FRS2: variants seen among roughly 807,000 people sequenced by gnomAD.
The protein encoded by FRS2 is FGFR signalling adaptor.
Under a neutral mutation model 43.9 loss-of-function variants are expected in FRS2, and 8 were observed. That is an observed-to-expected ratio of 0.18 (90% CI 0.11 to 0.33). The LOEUF (loss-of-function observed/expected upper bound fraction) is 0.33. FRS2 is among the 10% of genes least tolerant of loss of function. The probability of loss-of-function intolerance (pLI) is 1.00; values close to 1 mark genes in which losing one functional copy is unlikely to be tolerated. For missense variants in FRS2, 534 were observed against 627.6 expected (o/e 0.85, Z 1.59); for synonymous variants, 219 against 220.3 (o/e 0.99, Z 0.05).
chr12:69,520,466 G>A (rs1016196898), intron 1 of FRS2, among the ~76,000 whole-genome samples: 1 of 149,046 alleles, frequency 6.7e-6, no homozygotes, highest in African/African-American at 2.5e-5. Context: ...ATTGCTTTTG[G>A]CATCTTCGTC....
In FRS2 at chr12:69,578,117, A is replaced by T. The variant is rs572633302; in HGVS notation, c.*3162A>T. The T allele has an allele frequency of 6.5e-6, 1 of 152,736 alleles. No homozygotes were observed. The highest frequency in any genetic ancestry group is 6.5e-5 in the Admixed American group (1 of 15,302). 9.5% of individuals were successfully genotyped at this position (152,736 alleles called of 1,614,324 possible). On this transcript the variant is annotated 3_prime_UTR_variant, in exon 9 of 9. Transcript: ENST00000549921. ...CCGCCATATTTTTGCCTCAAGGTAAAGGTTTTAACAGATGAAAAAGTACTT... is the reference window on the plus strand; with the variant it reads ...CCGCCATATTTTTGCCTCAAGGTAATGGTTTTAACAGATGAAAAAGTACTT...
At chr12:69,559,331 A>T (rs1453396539) in intron 3 of FRS2, among the ~76,000 whole-genome samples, 4 of 152,224 alleles carry the variant, frequency 2.6e-5, no homozygotes, top group African/African-American at 7.2e-5. Context: ...ATTGCCAGAA[A>T]TTAAGGTACC....
At chr12:69,562,095 T>G (rs1211160577) in intron 3 of FRS2, 85 bp from the exon 4 acceptor site, 1 of 394,384 alleles carries the variant, frequency 2.5e-6, no homozygotes, top group Non-Finnish European at 4.5e-6. Flanking sequence ...ATAGATTAAC[T>G]GAACTAACTG....
intron 4 of FRS2, among the ~76,000 whole-genome samples, chr12:69,562,668 A>G (rs1483778307): frequency 6.6e-6 from 1 of 152,042 alleles, no homozygotes. Context: ...TTTTATTTGT[A>G]TTTTTAATTT....
At chr12:69,503,477 G>A (rs1873647212) in intron 1 of FRS2, among the ~76,000 whole-genome samples, 1 of 152,146 alleles carries the variant, frequency 6.6e-6, no homozygotes, top group African/African-American at 2.4e-5. Flanking sequence ...CAGGGATTTT[G>A]GATCTTAGAA....
chr12:69,493,594 G>A lies in FRS2; in HGVS notation c.-261+23064G>A, dbSNP rs140068672. Among the ~76,000 whole-genome samples, 1,317 of 152,314 alleles carry A rather than the reference G, an allele frequency of 8.6e-3. 19 individuals carry two copies. Among genetic ancestry groups the A allele is most frequent in the African/African-American group, 0.03 (1,237 of 41,568 alleles). ...AAATTAGCTGGGCATGGTGGCGCAT[G>A]CCTGTAATCCCAGTTACTTGGGTGG... On this transcript the variant is annotated intron_variant, in intron 1 of 8. Transcript: ENST00000549921.
chr12:69,510,289 C>T (rs571620499), intron 1 of FRS2, among the ~76,000 whole-genome samples: 3 of 152,184 alleles, frequency 2.0e-5, no homozygotes, highest in Admixed American at 2.0e-4. Context: ...CTCTGAGTGC[C>T]CTCGGTAGAG....
At chr12:69,500,660 A>C (rs1873357224) in intron 1 of FRS2, among the ~76,000 whole-genome samples, 1 of 152,204 alleles carries the variant, frequency 6.6e-6, no homozygotes, top group East Asian at 1.9e-4. Context: ...ATACAGGCTT[A>C]AACGTGAATT....
At chr12:69,535,735 T>G (rs938441633) in intron 3 of FRS2, among the ~76,000 whole-genome samples, 7 of 152,166 alleles carry the variant, frequency 4.6e-5, no homozygotes, top group African/African-American at 1.7e-4. Flanking sequence ...TGGTTTTGTT[T>G]TGGATTCGGG....
rs554006953 is a variant in FRS2, at chr12:69,547,467, GA to G, written c.-121-14706del. On this transcript the variant is annotated intron_variant, in intron 3 of 8. Coordinates refer to ENST00000549921, the MANE Select transcript of FRS2 (RefSeq NM_001278356.2). ...ACAGAGTGAGACCCTGTCTCAAAAA[GA>G]AAAAAAGAATTACGAGATGGATGAT... 2.3e-3 allele frequency among the ~76,000 whole-genome samples: 347 copies of G among 151,834 alleles called. 2 individuals are homozygous for G. The highest frequency in any genetic ancestry group is 6.8e-3 in the Middle Eastern group (2 of 294).
intron 1 of FRS2, among the ~76,000 whole-genome samples, chr12:69,494,922 C>T (rs1447689699): frequency 2.6e-5 from 4 of 152,166 alleles, no homozygotes; most frequent in African/African-American, 4.8e-5. Flanking sequence ...TATAGACGCC[C>T]ACCATCACGC....
intron 3 of FRS2, among the ~76,000 whole-genome samples, chr12:69,540,115 T>C (rs1392862081): frequency 7.0e-6 from 1 of 143,260 alleles, no homozygotes; most frequent in Admixed American, 7.0e-5. Context: ...TAGCTGGGTG[T>C]GGTGGTGCGC....
chr12:69,519,144 C>T (rs1875366641), intron 1 of FRS2, among the ~76,000 whole-genome samples: 1 of 152,038 alleles, frequency 6.6e-6, no homozygotes, highest in Admixed American at 6.6e-5. Flanking sequence ...GGGTGACAGT[C>T]TCTGGGACAC....
At chr12:69,537,488 A>G (rs914311937) in intron 3 of FRS2, among the ~76,000 whole-genome samples, 4 of 152,036 alleles carry the variant, frequency 2.6e-5, no homozygotes, top group African/African-American at 9.7e-5. Flanking sequence ...CTGTTTTCTC[A>G]TGATATTGAA....
At chr12:69,523,952 C>T (rs1406347979) in intron 1 of FRS2, among the ~76,000 whole-genome samples, 1 of 152,222 alleles carries the variant, frequency 6.6e-6, no homozygotes, top group African/African-American at 2.4e-5. Flanking sequence ...TCCTTGTACT[C>T]GTTTGCACGT....
intron 1 of FRS2, among the ~76,000 whole-genome samples, chr12:69,511,359 TAGTAATAAA>T (rs1231147127): frequency 6.6e-6 from 1 of 152,112 alleles, no homozygotes; most frequent in Non-Finnish European, 1.5e-5. Flanking sequence ...ATCATTTCAG[TAGTAATAAA>T]ATCAAATGTT....
At chr12:69,549,433 A>G (rs866405083) in intron 3 of FRS2, among the ~76,000 whole-genome samples, 19 of 92,466 alleles carry the variant, frequency 2.1e-4, no homozygotes, top group Admixed American at 1.1e-3. Flanking sequence ...ATTTATTTCA[A>G]TTGAAAAAAA....
chr12:69,536,419 G>A (rs751949467), intron 3 of FRS2, among the ~76,000 whole-genome samples: 2 of 151,470 alleles, frequency 1.3e-5, no homozygotes, highest in Admixed American at 6.6e-5. Flanking sequence ...CCCCGCACCC[G>A]GCCAGTATTT....
chr12:69,571,428 C>G lies in FRS2; in HGVS notation c.406C>G (p.Pro136Ala). The change falls in exon 7 of 9, where the codon CCT becomes GCT. Residue 136 changes from proline to alanine, a missense_variant. Physicochemically the swap from Pro to Ala is conservative, Grantham distance 27. Transcript: ENST00000549921. ...ELEVPRTPRT[P>A]TTPGFAAQNL... Reference sequence around the variant, plus strand: ...GGAAGTCCCTAGAACACCTCGAACACCTACAAGTAAGTACCCCTTTTCCCT... The same window carrying G: ...GGAAGTCCCTAGAACACCTCGAACAGCTACAAGTAAGTACCCCTTTTCCCT... The G allele has an allele frequency of 1.9e-6, 3 of 1,610,950 alleles. No individual in the cohort carries two copies. The highest frequency in any genetic ancestry group is 2.5e-6 in the Non-Finnish European group (3 of 1,178,138).
Sources: gnomAD v4.1 joint callset for allele counts (sites outside exome capture counted in the v4.1 genomes callset) on GRCh38, gnomAD v4.1.1 for gene constraint, MANE v1.5 for transcripts, NCBI Gene and HGNC (gene_info 2026-07-23, HGNC 2026-07-21) for gene names.